The following CIT variants were observed in gnomAD, a reference collection of about 807,000 sequenced individuals.
The protein encoded by CIT is citron Rho-interacting kinase.
A neutral mutation model predicts 272.7 loss-of-function variants in CIT; 79 were observed. The ratio of observed to expected loss-of-function variants is 0.29; its 90% CI spans 0.24 to 0.35. The LOEUF (loss-of-function observed/expected upper bound fraction) is 0.35. Ranked by LOEUF, CIT falls within the 10% of genes least tolerant of loss-of-function variation. CIT has a pLI of 1.00. For synonymous variants in CIT, 948 were observed against 995.6 expected (o/e 0.95, Z 0.90); for missense variants, 1,909 against 2,618.3 (o/e 0.73, Z 5.91).
intron 5 of CIT, among the ~76,000 whole-genome samples, chr12:119,844,290 G>A (rs1410666276): frequency 6.6e-6 from 1 of 151,988 alleles, no homozygotes; most frequent in African/African-American, 2.4e-5. Flanking sequence ...CCAAAGTGCT[G>A]GGATTACAGG....
intron 5 of CIT, among the ~76,000 whole-genome samples, chr12:119,847,594 GA>G (rs915602933): frequency 7.1e-6 from 1 of 141,576 alleles, no homozygotes; most frequent in African/African-American, 2.6e-5. Context: ...CTCCATCTCA[GA>G]AAAAAAATGA....
intron 5 of CIT, among the ~76,000 whole-genome samples, chr12:119,843,577 C>T (rs926267516): frequency 6.6e-6 from 1 of 151,774 alleles, no homozygotes; most frequent in Non-Finnish European, 1.5e-5. Context: ...TTTGGGAGGC[C>T]GAGGAGGGAA....
At chr12:119,700,879 A>G in intron 43 of CIT, 54 bp from the exon 44 acceptor site, 1 of 1,386,154 alleles carries the variant, frequency 7.2e-7, no homozygotes, top group Middle Eastern at 1.8e-4. Context: ...CAGGGGCATC[A>G]GCGACACACA....
chr12:119,743,203 T>C (rs1387259691), intron 23 of CIT, among the ~76,000 whole-genome samples: 1 of 151,534 alleles, frequency 6.6e-6, no homozygotes, highest in Non-Finnish European at 1.5e-5. Flanking sequence ...GGACAAATGT[T>C]ATAAAGAAAA....
chr12:119,832,721 G>T, intron 7 of CIT, 50 bp downstream of exon 7: 1 of 1,464,308 alleles, frequency 6.8e-7, no homozygotes, highest in Non-Finnish European at 9.6e-7. Context: ...GGAGGACCAA[G>T]AATACTTTTT....
chr12:119,688,142 G>A lies in CIT; in HGVS notation c.*90C>T. On this transcript the variant is annotated 3_prime_UTR_variant, in exon 48 of 48. Transcript: ENST00000392521. ...TGAGCCAGAGGGTGGCTGAGCACGT[G>A]GGCGCTTGGGTCCCCATCAGCAGAG... The A allele has an allele frequency of 2.1e-6, 3 of 1,418,034 alleles. No homozygotes were observed. The highest frequency in any genetic ancestry group is 3.0e-6 in the Non-Finnish European group (3 of 1,001,774). The allele number at this position is 1,418,034 out of a possible 1,614,324, so 87.8% of individuals were successfully genotyped here.
rs183066638 is a variant in CIT at position 119,847,728 on chromosome 12, T to C, written c.516+2446A>G. ...CAACATGGCGAAACCCCGTCTCTACTAAAAATACAAAAATTAGCAGGGCGT... is the reference window on the plus strand; with the variant it reads ...CAACATGGCGAAACCCCGTCTCTACCAAAAATACAAAAATTAGCAGGGCGT... On this transcript the variant is annotated intron_variant, in intron 5 of 47. Coordinates refer to ENST00000392521, the MANE Select transcript of CIT (RefSeq NM_001206999.2). 6.0e-4 allele frequency among the ~76,000 whole-genome samples: 91 copies of C among 152,088 alleles called. No homozygotes were observed. The East Asian group carries it at 0.016, about 27-fold the overall frequency.
At chr12:119,863,939 C>T (rs1396577161) in intron 3 of CIT, among the ~76,000 whole-genome samples, 1 of 152,048 alleles carries the variant, frequency 6.6e-6, no homozygotes, top group East Asian at 1.9e-4. Context: ...AGCAGGGAGC[C>T]ATCACCAGAT....
At chr12:119,855,472 T>C (rs1166062712) in intron 4 of CIT, among the ~76,000 whole-genome samples, 2 of 152,050 alleles carry the variant, frequency 1.3e-5, no homozygotes, top group African/African-American at 4.8e-5. Context: ...GAAGACCCCT[T>C]CCAGCTGTCA....
intron 47 of CIT, among the ~76,000 whole-genome samples, chr12:119,689,282 T>C (rs374232643): frequency 6.6e-6 from 1 of 151,486 alleles, no homozygotes; most frequent in African/African-American, 2.4e-5. Flanking sequence ...CTCAGGAGGC[T>C]GAAGTGAGAG....
chr12:119,713,015 G>A lies in CIT; in HGVS notation c.4579+188C>T, dbSNP rs1014399591. ...AGGGCAGCGCCCTGCGGGTTCTTCA[G>A]GGGGGAGACCTATAGATGTGAGTAT... On this transcript the variant is annotated intron_variant, in intron 35 of 47. Coordinates refer to ENST00000392521, the MANE Select transcript of CIT (RefSeq NM_001206999.2). This position sits in a 1 kb window ranked among gnomAD's most constrained non-coding sequence, Gnocchi z 5.2. The A allele has an allele frequency of 1.4e-5, 9 of 636,398 alleles. No individual in the cohort carries two copies. The highest frequency in any genetic ancestry group is 2.5e-5 in the Non-Finnish European group (9 of 358,210). The allele number at this position is 636,398 out of a possible 1,614,324, so 39.4% of individuals were successfully genotyped here. A position where few individuals can be genotyped will look rare whatever the true frequency, so the allele number is the denominator to read the frequency against.
rs1962670319 is a variant in CIT, at chr12:119,768,094, T to C, written c.2209-912A>G. Among the ~76,000 whole-genome samples, 1 of 152,094 alleles carries C rather than the reference T, an allele frequency of 6.6e-6. No homozygotes were observed. The highest frequency in any genetic ancestry group is 1.5e-5 in the Non-Finnish European group (1 of 68,014). On this transcript the variant is annotated intron_variant, in intron 18 of 47. Transcript: ENST00000392521. This position sits in a 1 kb window ranked among gnomAD's most constrained non-coding sequence, Gnocchi z 4.3. ...GCCCGGCTAATTTTTGTATTTTTAG[T>C]AGAGGCGAGGTTTCACCATGTCGGT...
chr12:119,876,600 C>A (rs1388668985), intron 1 of CIT, among the ~76,000 whole-genome samples: 1 of 152,104 alleles, frequency 6.6e-6, no homozygotes, highest in Non-Finnish European at 1.5e-5. Context: ...AAGAAAAGGA[C>A]AATGGGGGTG....
intron 3 of CIT, among the ~76,000 whole-genome samples, chr12:119,867,390 T>C (rs1170837757): frequency 1.3e-5 from 2 of 152,146 alleles, no homozygotes; most frequent in African/African-American, 4.8e-5. Context: ...GGTTTCACCA[T>C]GTTGGCCAGG....
intron 10 of CIT, among the ~76,000 whole-genome samples, chr12:119,801,758 T>C (rs1292097473): frequency 2.0e-5 from 3 of 152,220 alleles, no homozygotes; most frequent in Non-Finnish European, 1.5e-5. Flanking sequence ...CAAACCCATC[T>C]GATGGCACAT....
intron 5 of CIT, among the ~76,000 whole-genome samples, chr12:119,837,424 T>C (rs76783081): frequency 0.015 from 2,356 of 152,286 alleles, 31 homozygotes; most frequent in Non-Finnish European, 0.02. Flanking sequence ...GTTTGGATTG[T>C]TAAAATGGTA....
chr12:119,742,454 T>C lies in CIT; in HGVS notation c.2915A>G (p.Asp972Gly). The C allele has an allele frequency of 6.2e-7, 1 of 1,610,950 alleles. No individual in the cohort carries two copies. The highest frequency in any genetic ancestry group is 8.5e-7 in the Non-Finnish European group (1 of 1,178,894). The stretch of plus-strand genomic sequence containing the variant: ...AGCATCAAATTTGCGCTGGATTTCA[T>C]CTCTATGTGCCTAAAAGGTAAGAAG... ...EEIQALTAHR[D>G]EIQRKFDALR... is the part of the protein sequence containing the mutation. The change falls in exon 24 of 48, where the codon GAT becomes GGT. Residue 972 changes from aspartate to glycine, a missense_variant. Coordinates refer to ENST00000392521, the MANE Select transcript of CIT (RefSeq NM_001206999.2).
Position 119,730,613 on chromosome 12 carries a change from C to T in CIT, c.3368G>A (p.Arg1123Gln), listed in dbSNP as rs1225555544. 3.7e-6 allele frequency: 6 copies of T among 1,613,882 alleles called. No homozygotes were observed. Among genetic ancestry groups the T allele is most frequent in the African/African-American group, 2.7e-5 (2 of 74,910 alleles). ...CACCACCTGGCGAGACTCGGTGATC[C>T]GCTGATCGGCTCTCGCCCTGCCAGA... The part of the protein sequence containing the change: ...EKQSRARADQ[R>Q]ITESRQVVEL... The change falls in exon 27 of 48, where the codon CGG (arginine) becomes CAG (glutamine). Residue 1123 changes from arginine (R) to glutamine (Q), a missense_variant. Transcript: ENST00000392521.
At chr12:119,788,999 G>A (rs1050273394) in intron 10 of CIT, among the ~76,000 whole-genome samples, 2 of 152,154 alleles carry the variant, frequency 1.3e-5, no homozygotes, top group Non-Finnish European at 2.9e-5. Flanking sequence ...TGGGATTGGA[G>A]GATGAGGCTG....
Sources: allele counts gnomAD v4.1 joint callset (sites outside exome capture counted in the v4.1 genomes callset), GRCh38; gene constraint gnomAD v4.1.1; non-coding constraint Gnocchi (gnomAD v3.1); transcripts MANE v1.5; gene names NCBI Gene and HGNC (gene_info 2026-07-23, HGNC 2026-07-21).